NFIA: variants seen among roughly 807,000 people sequenced by gnomAD.
NFIA encodes the protein nuclear factor 1 A-type.
NFIA carries 8 observed loss-of-function variants against 62.8 expected under a neutral mutation model. The observed-to-expected ratio is 0.13, with a 90% CI of 0.07 to 0.23. The LOEUF is 0.23. Ranked by LOEUF, NFIA falls within the 10% of genes least tolerant of loss-of-function variation. The pLI is 1.00. For synonymous variants in NFIA, 235 were observed against 238.1 expected (o/e 0.99, Z 0.12); for missense variants, 410 against 642.1 (o/e 0.64, Z 3.91).
chr1:61,398,270 A>C (rs1217369344), intron 7 of NFIA, among the ~76,000 whole-genome samples: 1 of 152,228 alleles, frequency 6.6e-6, no homozygotes, highest in Non-Finnish European at 1.5e-5. Context: ...TTTACAGAAA[A>C]TGTTTGCCAA....
intron 5 of NFIA, among the ~76,000 whole-genome samples, chr1:61,353,513 C>T (rs939310438): frequency 3.9e-4 from 59 of 152,134 alleles, no homozygotes; most frequent in African/African-American, 1.3e-3. Flanking sequence ...TGGTACAGAA[C>T]GATCTTTAAT....
At chr1:61,321,533 A>G (rs1557705067) in intron 3 of NFIA, among the ~76,000 whole-genome samples, 1 of 152,170 alleles carries the variant, frequency 6.6e-6, no homozygotes, top group African/African-American at 2.4e-5. Flanking sequence ...TTTGAAGGAT[A>G]GTAGAAATAA....
intron 2 of NFIA, among the ~76,000 whole-genome samples, chr1:61,142,781 G>A (rs1352262703): frequency 6.6e-6 from 1 of 152,176 alleles, no homozygotes; most frequent in East Asian, 1.9e-4. Context: ...TTCCGGTAAG[G>A]AGACAGGAAG....
intron 2 of NFIA, among the ~76,000 whole-genome samples, chr1:61,103,286 A>G (rs1180355651): frequency 6.6e-6 from 1 of 152,102 alleles, no homozygotes; most frequent in Non-Finnish European, 1.5e-5. Context: ...TATTCCTTGT[A>G]GTAGTCCTAC....
intron 7 of NFIA, among the ~76,000 whole-genome samples, chr1:61,400,603 A>T (rs538167312): frequency 1.3e-5 from 2 of 152,348 alleles, no homozygotes; most frequent in South Asian, 4.1e-4. Flanking sequence ...CTAAATATGC[A>T]TTTACATAAT....
intron 2 of NFIA, among the ~76,000 whole-genome samples, chr1:61,208,627 G>A (rs1653044624): frequency 6.6e-6 from 1 of 152,014 alleles, no homozygotes; most frequent in Non-Finnish European, 1.5e-5. Flanking sequence ...CTGTACAATA[G>A]GAATAATAGA....
intron 2 of NFIA, among the ~76,000 whole-genome samples, chr1:61,227,235 C>T (rs1293497763): frequency 1.3e-5 from 2 of 152,094 alleles, no homozygotes; most frequent in East Asian, 3.9e-4. Flanking sequence ...CTTTATTTGC[C>T]GCTGGTTTCA....
intron 4 of NFIA, among the ~76,000 whole-genome samples, chr1:61,345,225 A>G (rs1192696651): frequency 6.6e-6 from 1 of 152,178 alleles, no homozygotes; most frequent in East Asian, 1.9e-4. Context: ...TACTTAAGAA[A>G]ATTGAGGAGC....
chr1:61,337,857 G>T (rs757516168), intron 4 of NFIA, among the ~76,000 whole-genome samples: 14 of 152,252 alleles, frequency 9.2e-5, no homozygotes, highest in Admixed American at 3.3e-4. Context: ...GAGTGCTAAG[G>T]CTGTCAAATA....
intron 2 of NFIA, among the ~76,000 whole-genome samples, chr1:61,116,220 A>G (rs1646791243): frequency 6.6e-6 from 1 of 152,172 alleles, no homozygotes; most frequent in Non-Finnish European, 1.5e-5. Flanking sequence ...TGTCTTAGGA[A>G]TTTGAGGAAG....
chr1:61,368,241 T>C (rs1211733846), intron 6 of NFIA, among the ~76,000 whole-genome samples: 1 of 152,182 alleles, frequency 6.6e-6, no homozygotes, highest in Non-Finnish European at 1.5e-5. Context: ...TAGGTTTATA[T>C]GTGAAATCCT....
intron 2 of NFIA, among the ~76,000 whole-genome samples, chr1:61,258,633 T>C (rs1415308261): frequency 6.6e-6 from 1 of 152,160 alleles, no homozygotes; most frequent in Non-Finnish European, 1.5e-5. Flanking sequence ...TCACATACTA[T>C]AGAAATATTC....
At chr1:61,329,033 A>ATTTTTTTC (rs1334598507) in intron 3 of NFIA, among the ~76,000 whole-genome samples, 2 of 139,678 alleles carry the variant, frequency 1.4e-5, no homozygotes, top group Admixed American at 7.2e-5. Flanking sequence ...TCCATTTATA[A>ATTTTTTTC]TTTTTTTCTT....
intron 2 of NFIA, among the ~76,000 whole-genome samples, chr1:61,121,086 GTC>G (rs1217001804): frequency 6.6e-6 from 1 of 152,152 alleles, no homozygotes; most frequent in African/African-American, 2.4e-5. Flanking sequence ...GCATTGCATT[GTC>G]TGTTACTCAA....
At chr1:61,169,484 T>G (rs1649802648) in intron 2 of NFIA, among the ~76,000 whole-genome samples, 1 of 152,354 alleles carries the variant, frequency 6.6e-6, no homozygotes, top group East Asian at 1.9e-4. Flanking sequence ...TCCTGAAGAC[T>G]TTATGGACAC....
intron 2 of NFIA, among the ~76,000 whole-genome samples, chr1:61,255,940 G>A (rs1019631885): frequency 1.3e-5 from 2 of 152,042 alleles, no homozygotes. Context: ...GGCTGCCCTC[G>A]GGTAGACCAA....
intron 2 of NFIA, among the ~76,000 whole-genome samples, chr1:61,203,270 T>A (rs1332024670): frequency 1.3e-5 from 2 of 152,146 alleles, no homozygotes; most frequent in African/African-American, 4.8e-5. Context: ...CAGGCGAAAC[T>A]GGGATAAGCC....
chr1:61,197,744 G>A (rs1652131494), intron 2 of NFIA, among the ~76,000 whole-genome samples: 1 of 151,852 alleles, frequency 6.6e-6, no homozygotes, highest in Non-Finnish European at 1.5e-5. Flanking sequence ...CACTTTGGGA[G>A]GCTGAGGCAG....
chr1:61,290,665 G>A (rs1445679097), intron 3 of NFIA, among the ~76,000 whole-genome samples: 1 of 152,194 alleles, frequency 6.6e-6, no homozygotes, highest in South Asian at 2.1e-4. Context: ...GTCCGAGCTT[G>A]AGCCAGTTCT....
Sources: gnomAD v4.1 joint callset for allele counts (sites outside exome capture counted in the v4.1 genomes callset) on GRCh38, gnomAD v4.1.1 for gene constraint, MANE v1.5 for transcripts, NCBI Gene and HGNC (gene_info 2026-07-23, HGNC 2026-07-21) for gene names.